The following ASIP variants were observed in gnomAD, a reference collection of about 807,000 sequenced individuals.
ASIP encodes agouti-signaling protein.
A neutral mutation model predicts 10.3 loss-of-function variants in ASIP; 11 were observed. The observed-to-expected ratio is 1.07, with a 90% CI of 0.68 to 1.78. The LOEUF is 1.78. Ranked by LOEUF, ASIP falls within the 40% of genes most tolerant of loss-of-function variation. The pLI, the probability that ASIP is intolerant of heterozygous loss-of-function variation, is 0.00. For missense variants in ASIP, 180 were observed against 169.2 expected (o/e 1.06, Z -0.35); for synonymous variants, 70 against 70.8 (o/e 0.99, Z 0.06).
rs551714583 is a variant in ASIP, at chr20:34,268,878, A to G, written c.223-113A>G. ...GCGGGCGGTGGGCGGTGGGCAAGCC[A>G]GCGGGGAAACCTCTGGTCCGGGATC... is the stretch of plus-strand genomic sequence containing the variant. On this transcript the variant is annotated intron_variant, in intron 3 of 3. Coordinates refer to ENST00000374954, the MANE Select transcript of ASIP (RefSeq NM_001672.3). The G allele has an allele frequency of 7.3e-6, 10 of 1,366,196 alleles. No individual in the cohort carries two copies. In the East Asian group the frequency reaches 2.1e-4, roughly 28 times the overall value. The allele number at this position is 1,366,196 out of a possible 1,614,324, so 84.6% of individuals were successfully genotyped here.
the ASIP span, among the ~76,000 whole-genome samples, chr20:34,189,554 A>T: frequency 2.0e-5 from 3 of 152,206 alleles, no homozygotes; most frequent in Admixed American, 2.0e-4. Context: ...GCTCCCCCTA[A>T]GTATTAGGCA....
chr20:34,197,925 C>T (rs552908442), intron 1 of ASIP, among the ~76,000 whole-genome samples: 184 of 152,258 alleles, frequency 1.2e-3, no homozygotes, highest in Non-Finnish European at 9.4e-4. Flanking sequence ...AAAACAAAGA[C>T]TCACCTCCTC....
chr20:34,214,201 G>A (rs2034992654), intron 1 of ASIP: 2 of 1,313,440 alleles, frequency 1.5e-6, no homozygotes, highest in Non-Finnish European at 2.2e-6. Flanking sequence ...TGCTTATTGA[G>A]AGATTTGACA....
At chr20:34,257,383 C>T (rs1403667275) in intron 1 of ASIP, among the ~76,000 whole-genome samples, 1 of 152,088 alleles carries the variant, frequency 6.6e-6, no homozygotes, top group Admixed American at 6.6e-5. Context: ...CCAGCCCAGC[C>T]GGGTTGAATT....
chr20:34,232,916 A>C (rs1054363296), intron 1 of ASIP, among the ~76,000 whole-genome samples: 4 of 152,186 alleles, frequency 2.6e-5, no homozygotes, highest in Non-Finnish European at 5.9e-5. Flanking sequence ...GCCAGGTTGC[A>C]GTGCTGGATC....
At chr20:34,234,359 A>G (rs987447032) in intron 1 of ASIP, among the ~76,000 whole-genome samples, 1 of 152,204 alleles carries the variant, frequency 6.6e-6, no homozygotes, top group Non-Finnish European at 1.5e-5. Flanking sequence ...TCCTAAGGGA[A>G]AGGTGATAGC....
At chr20:34,196,474 A>G (rs1274179692) in intron 1 of ASIP, among the ~76,000 whole-genome samples, 1 of 152,112 alleles carries the variant, frequency 6.6e-6, no homozygotes, top group African/African-American at 2.4e-5. Context: ...CGCCCGGCTG[A>G]AAAGGAAGAT....
At chr20:34,187,759 T>C in the ASIP span, among the ~76,000 whole-genome samples, 199 of 152,282 alleles carry the variant, frequency 1.3e-3, 1 homozygote, top group East Asian at 0.017. Context: ...TGCAAGACAC[T>C]CCTGAAGCAC....
chr20:34,187,104 T>G, the ASIP span, among the ~76,000 whole-genome samples: 1 of 152,176 alleles, frequency 6.6e-6, no homozygotes, highest in Non-Finnish European at 1.5e-5. Flanking sequence ...GGTTGAAAAC[T>G]GAAATAATTA....
upstream of ASIP, among the ~76,000 whole-genome samples, chr20:34,237,913 G>A (rs2035231728): frequency 6.6e-6 from 1 of 152,082 alleles, no homozygotes; most frequent in Non-Finnish European, 1.5e-5. Context: ...GAGATAATCT[G>A]ATATAGGATT....
chr20:34,215,439 T>A (rs2035001153), intron 1 of ASIP: 1 of 1,528,082 alleles, frequency 6.5e-7, no homozygotes, highest in African/African-American at 1.4e-5. Flanking sequence ...CCACCAACTC[T>A]GAGTTGATAG....
At chr20:34,242,752 C>T (rs755136860) in intron 1 of ASIP, among the ~76,000 whole-genome samples, 3 of 152,250 alleles carry the variant, frequency 2.0e-5, no homozygotes, top group Non-Finnish European at 4.4e-5. Flanking sequence ...CAGAAAATTT[C>T]ATCTCACATC....
chr20:34,211,651 GA>G (rs1331207158), intron 1 of ASIP, among the ~76,000 whole-genome samples: 6 of 152,114 alleles, frequency 3.9e-5, no homozygotes, highest in Admixed American at 3.9e-4. Context: ...CTTCATTTAC[GA>G]AAAAATGTTT....
chr20:34,234,696 G>GGAGGCT (rs965064136), intron 1 of ASIP: 4 of 152,146 alleles, frequency 2.6e-5, no homozygotes, highest in South Asian at 2.1e-4. Context: ...CAGCTACTCG[G>GGAGGCT]GAGGCTGAGG....
intron 1 of ASIP, among the ~76,000 whole-genome samples, chr20:34,197,222 A>T (rs1238035165): frequency 6.6e-6 from 1 of 152,018 alleles, no homozygotes; most frequent in Admixed American, 6.6e-5. Flanking sequence ...AAAATACAAA[A>T]ATTAGCCAGG....
At chr20:34,215,161 C>T in intron 1 of ASIP, 1 of 1,597,836 alleles carries the variant, frequency 6.3e-7, no homozygotes, top group South Asian at 1.1e-5. Context: ...TAAACAGTCA[C>T]ATGCTTCTTC....
chr20:34,236,615 C>G (rs1237976102), upstream of ASIP, among the ~76,000 whole-genome samples: 1 of 152,034 alleles, frequency 6.6e-6, no homozygotes, highest in Non-Finnish European at 1.5e-5. Flanking sequence ...CTTTGGGAGT[C>G]TGGGGTGGGA....
intron 1 of ASIP, among the ~76,000 whole-genome samples, chr20:34,233,425 G>T (rs932290377): frequency 3.3e-5 from 5 of 152,110 alleles, no homozygotes; most frequent in Non-Finnish European, 5.9e-5. Context: ...GGGATTACAG[G>T]TGTGAGCCAC....
At chr20:34,214,434 GCA>G in intron 1 of ASIP, 1 of 1,499,450 alleles carries the variant, frequency 6.7e-7, no homozygotes, top group South Asian at 1.1e-5. Context: ...ACCCTGCAAA[GCA>G]CTAGCTTTTG....
Sources: gnomAD v4.1 joint callset for allele counts (sites outside exome capture counted in the v4.1 genomes callset) on GRCh38, gnomAD v4.1.1 for gene constraint, MANE v1.5 for transcripts, NCBI Gene and HGNC (gene_info 2026-07-23, HGNC 2026-07-21) for gene names.